The following HIVEP1 variants were observed in gnomAD, a reference collection of about 807,000 sequenced individuals.
The protein encoded by HIVEP1 is zinc finger protein 40.
A neutral mutation model predicts 180.0 loss-of-function variants in HIVEP1; 36 were observed. That is an observed-to-expected ratio of 0.20 (90% CI 0.15 to 0.26). The LOEUF (loss-of-function observed/expected upper bound fraction) is 0.26. HIVEP1 is among the 10% of genes least tolerant of loss of function. The probability of loss-of-function intolerance (pLI) is 1.00; values close to 1 mark genes in which losing one functional copy is unlikely to be tolerated. For synonymous variants in HIVEP1, 1,239 were observed against 1,239.0 expected, an observed-to-expected ratio of 1.00 and a Z score of 0.00; for missense variants, 3,143 against 3,268.7, an observed-to-expected ratio of 0.96 and a Z score of 0.94.
At chr6:12,182,451 G>A in the HIVEP1 span, among the ~76,000 whole-genome samples, 1 of 152,184 alleles carries the variant, frequency 6.6e-6, no homozygotes, top group Non-Finnish European at 1.5e-5. Flanking sequence ...GACTCTAAGA[G>A]ATCTATTGTC....
At chr6:12,019,014 G>C (rs1768015129) in intron 2 of HIVEP1, among the ~76,000 whole-genome samples, 1 of 152,206 alleles carries the variant, frequency 6.6e-6, no homozygotes. Flanking sequence ...AATTGTGTCT[G>C]ACTTGTCTGT....
At chr6:12,205,819 A>G in the HIVEP1 span, among the ~76,000 whole-genome samples, 3 of 152,278 alleles carry the variant, frequency 2.0e-5, no homozygotes, top group Admixed American at 1.3e-4. Context: ...CAGATCATAG[A>G]TGAACAGGTC....
chr6:12,017,595 T>G (rs1211908829), intron 2 of HIVEP1, among the ~76,000 whole-genome samples: 1 of 152,240 alleles, frequency 6.6e-6, no homozygotes, highest in Non-Finnish European at 1.5e-5. Flanking sequence ...CACATCCTGC[T>G]GATTGGTCCG....
chr6:12,100,712 A>G (rs1774067099), intron 3 of HIVEP1, among the ~76,000 whole-genome samples: 1 of 152,200 alleles, frequency 6.6e-6, no homozygotes, highest in Non-Finnish European at 1.5e-5. Context: ...ATTTTCTTAA[A>G]CCTGTAAAAA....
chr6:12,048,445 C>A (rs568685994), intron 2 of HIVEP1, among the ~76,000 whole-genome samples: 2 of 152,202 alleles, frequency 1.3e-5, no homozygotes, highest in African/African-American at 4.8e-5. Context: ...CTCTCTCCAG[C>A]AATTCTTGGC....
intron 7 of HIVEP1, among the ~76,000 whole-genome samples, chr6:12,158,255 C>G (rs1346922591): frequency 6.6e-6 from 1 of 152,120 alleles, no homozygotes; most frequent in Non-Finnish European, 1.5e-5. Context: ...GCCTCTCCTT[C>G]CTAGAGGCCT....
chr6:12,049,973 C>T (rs1202258001), intron 2 of HIVEP1, among the ~76,000 whole-genome samples: 4 of 152,030 alleles, frequency 2.6e-5, no homozygotes, highest in Admixed American at 1.3e-4. Flanking sequence ...GTGTTGCTGG[C>T]GATGATATGG....
At chr6:12,071,050 A>G (rs1771934901) in intron 2 of HIVEP1, among the ~76,000 whole-genome samples, 1 of 152,220 alleles carries the variant, frequency 6.6e-6, no homozygotes, top group Non-Finnish European at 1.5e-5. Flanking sequence ...TCATCAGTCT[A>G]TAGTGTTCTG....
Position 12,119,876 on chromosome 6 carries a change from G to C in HIVEP1, c.95-14G>C. On this transcript the variant is annotated splice_polypyrimidine_tract_variant and intron_variant, in intron 3 of 8. Transcript: ENST00000379388. ...ATGTTACCAATTGTTTGTTGTTGTT[G>C]TTGTTTTTTCCAGAAATCTTACAGG... The C allele has an allele frequency of 6.6e-7, 1 of 1,506,688 alleles. No homozygotes were observed. Among genetic ancestry groups the C allele is most frequent in the South Asian group, 1.3e-5 (1 of 75,510 alleles). 93.3% of individuals were successfully genotyped at this position (1,506,688 alleles called of 1,614,324 possible).
chr6:12,009,461 G>A (rs1219845457), upstream of HIVEP1, among the ~76,000 whole-genome samples: 1 of 152,332 alleles, frequency 6.6e-6, no homozygotes, highest in African/African-American at 2.4e-5. Flanking sequence ...TGGACCTCCA[G>A]GAGCCCCCTC....
intron 6 of HIVEP1, among the ~76,000 whole-genome samples, chr6:12,133,979 CAA>C (rs111307585): frequency 1.5e-4 from 18 of 117,236 alleles, no homozygotes; most frequent in Non-Finnish European, 1.3e-4. Context: ...CCGTCTCAAC[CAA>C]AAAAAAAAAA....
chr6:12,020,079 T>G (rs1198675987), intron 2 of HIVEP1, among the ~76,000 whole-genome samples: 1 of 152,170 alleles, frequency 6.6e-6, no homozygotes, highest in Non-Finnish European at 1.5e-5. Context: ...GAAGAATTGT[T>G]AGGTTAAGGG....
chr6:12,119,435 A>G (rs1775425351), intron 3 of HIVEP1, among the ~76,000 whole-genome samples: 1 of 152,254 alleles, frequency 6.6e-6, no homozygotes, highest in Non-Finnish European at 1.5e-5. Flanking sequence ...AGTTCCAACC[A>G]GCTTCAACCA....
At chr6:12,116,015 A>G (rs1486504657) in intron 3 of HIVEP1, among the ~76,000 whole-genome samples, 1 of 151,970 alleles carries the variant, frequency 6.6e-6, no homozygotes, top group East Asian at 1.9e-4. Flanking sequence ...ATGGAAAAGC[A>G]CAAGTGCTAA....
chr6:12,076,263 C>T (rs1436817829), intron 2 of HIVEP1, among the ~76,000 whole-genome samples: 1 of 152,050 alleles, frequency 6.6e-6, no homozygotes, highest in Non-Finnish European at 1.5e-5. Flanking sequence ...CTGTTTATGG[C>T]TTTGACTTGT....
intron 2 of HIVEP1, among the ~76,000 whole-genome samples, chr6:12,050,891 C>T (rs1054733397): frequency 1.3e-5 from 2 of 151,060 alleles, no homozygotes; most frequent in Non-Finnish European, 3.0e-5. Context: ...GAAATGGTAT[C>T]GGGGAACCAC....
chr6:12,126,594 C>T (rs570784545), intron 4 of HIVEP1, among the ~76,000 whole-genome samples: 8 of 152,242 alleles, frequency 5.3e-5, no homozygotes, highest in South Asian at 2.1e-4. Context: ...ATATCACGTT[C>T]GACTCTGCAT....
chr6:12,130,081 G>T (rs1581748818), intron 5 of HIVEP1, among the ~76,000 whole-genome samples, 189 bp downstream of exon 5: 1 of 152,140 alleles, frequency 6.6e-6, no homozygotes, highest in Admixed American at 6.5e-5. Flanking sequence ...ATGGAGAAAT[G>T]ATGACTATTT....
intron 2 of HIVEP1, among the ~76,000 whole-genome samples, chr6:12,078,220 A>G (rs1378344615): frequency 6.6e-6 from 1 of 152,090 alleles, no homozygotes; most frequent in East Asian, 1.9e-4. Context: ...TAAAAAACAT[A>G]GTCACTAATT....
Sources: allele counts gnomAD v4.1 joint callset (sites outside exome capture counted in the v4.1 genomes callset), GRCh38; gene constraint gnomAD v4.1.1; transcripts MANE v1.5; gene names NCBI Gene and HGNC (gene_info 2026-07-23, HGNC 2026-07-21).